Variants in RAD18 observed in about 807,000 individuals in gnomAD.
RAD18 encodes the protein RAD18 E3 ubiquitin protein ligase, also known as E3 ubiquitin-protein ligase RAD18.
A neutral mutation model predicts 60.4 loss-of-function variants in RAD18; 47 were observed. The observed-to-expected ratio is 0.78, with a 90% CI of 0.62 to 0.99. The LOEUF (loss-of-function observed/expected upper bound fraction) is 0.99. Among genes scored for constraint, RAD18 ranks in the 50% least tolerant of loss-of-function variants. The pLI, the probability that RAD18 is intolerant of heterozygous loss-of-function variation, is 0.00. For synonymous variants in RAD18, 225 were observed against 195.5 expected (o/e 1.15, Z -1.26); for missense variants, 640 against 593.3 (o/e 1.08, Z -0.82).
intron 4 of RAD18, among the ~76,000 whole-genome samples, chr3:8,942,786 G>T (rs1314717749): frequency 6.6e-6 from 1 of 152,202 alleles, no homozygotes; most frequent in Non-Finnish European, 1.5e-5. Flanking sequence ...CCACCAGTCT[G>T]CTTAGAAATT....
At chr3:8,961,078 T>C (rs1335676704) in intron 1 of RAD18, among the ~76,000 whole-genome samples, 2 of 152,178 alleles carry the variant, frequency 1.3e-5, no homozygotes, top group Non-Finnish European at 2.9e-5. Context: ...AACCAGTCTA[T>C]TATATCACAC....
intron 1 of RAD18, 120 bp downstream of exon 1, chr3:8,963,215 C>T (rs1941118326): frequency 8.6e-7 from 1 of 1,158,814 alleles, no homozygotes; most frequent in African/African-American, 1.6e-5. Flanking sequence ...AGCCGGATAC[C>T]CGGGCCCAGT....
intron 7 of RAD18, among the ~76,000 whole-genome samples, chr3:8,915,087 T>C (rs1242490390): frequency 7.0e-6 from 1 of 143,600 alleles, no homozygotes; most frequent in Non-Finnish European, 1.5e-5. Flanking sequence ...AGGCGGAGCT[T>C]GCAGTGAACT....
In RAD18 at chr3:8,963,320, C is replaced by A; in HGVS notation, c.51+15G>T. On this transcript the variant is annotated intron_variant, in intron 1 of 12. Transcript: ENST00000264926. ...GCAGACACCCGGGAGCTCCCAAACTCCCCGAAGCACTCACCTTCATGACTG... is the reference window on the plus strand; with the variant it reads ...GCAGACACCCGGGAGCTCCCAAACTACCCGAAGCACTCACCTTCATGACTG... 4 of 1,607,934 alleles carry A rather than the reference C, an allele frequency of 2.5e-6. No homozygotes were observed. Among genetic ancestry groups the A allele is most frequent in the Non-Finnish European group, 1.7e-6 (2 of 1,177,150 alleles).
In RAD18 at chr3:8,889,180, A is replaced by G. The variant is rs541499710; in HGVS notation, c.1385+1209T>C. On this transcript the variant is annotated intron_variant, in intron 12 of 12. Coordinates refer to ENST00000264926, the MANE Select transcript of RAD18 (RefSeq NM_020165.4). ...TGAAACTACAAAATGTCAACTGCAC[A>G]GCAAGCCTCTCCACCTTTGGAAAGA... Among the ~76,000 whole-genome samples the G allele has an allele frequency of 4.2e-3, 638 of 152,332 alleles. 4 individuals carry two copies. The highest frequency in any genetic ancestry group is 0.015 in the South Asian group (74 of 4,828).
At chr3:8,947,769 C>A (rs1026403203) in intron 3 of RAD18, among the ~76,000 whole-genome samples, 64 of 152,214 alleles carry the variant, frequency 4.2e-4, no homozygotes, top group African/African-American at 1.5e-3. Flanking sequence ...CACAGTTTAT[C>A]TCAGCGATGA....
At chr3:8,957,434 G>A (rs1203984459) in intron 2 of RAD18, among the ~76,000 whole-genome samples, 1 of 152,182 alleles carries the variant, frequency 6.6e-6, no homozygotes, top group African/African-American at 2.4e-5. Flanking sequence ...CAAAGCCACA[G>A]TAATCAAGAT....
At chr3:8,903,128 G>A (rs1939943112) in intron 9 of RAD18, among the ~76,000 whole-genome samples, 1 of 152,026 alleles carries the variant, frequency 6.6e-6, no homozygotes, top group African/African-American at 2.4e-5. Flanking sequence ...CCAAGCATAA[G>A]AATACAAAGG....
At chr3:8,929,729 C>T (rs541528322) in intron 7 of RAD18, among the ~76,000 whole-genome samples, 1 of 152,180 alleles carries the variant, frequency 6.6e-6, no homozygotes, top group East Asian at 1.9e-4. Flanking sequence ...GCAACCTCCG[C>T]CTCCTGGGTT....
rs187296172 is a variant in RAD18, at chr3:8,902,189, C to T, written c.1168+191G>A. On this transcript the variant is annotated intron_variant, in intron 10 of 12. Transcript: ENST00000264926. ...ACAAAAAGAGATTGTTTCTTCAGGA[C>T]ATTCTTCCAACCACTTTCCCCATAG... 1.1e-3 allele frequency among the ~76,000 whole-genome samples: 168 copies of T among 152,340 alleles called. 3 individuals carry two copies. Among genetic ancestry groups the T allele is most frequent in the African/African-American group, 3.9e-3 (162 of 41,584 alleles).
Position 8,915,630 on chromosome 3 carries a change from A to C in RAD18, c.890-1910T>G, listed in dbSNP as rs1464088420. Reference sequence around the variant, plus strand: ...ACTGAGTCTCGCTCTGTCACCCAGGACGGAGTGCAGTGGCGCGATCTCGGC... The same window carrying C: ...ACTGAGTCTCGCTCTGTCACCCAGGCCGGAGTGCAGTGGCGCGATCTCGGC... On this transcript the variant is annotated intron_variant, in intron 7 of 12. Coordinates refer to ENST00000264926, the MANE Select transcript of RAD18 (RefSeq NM_020165.4). Among the ~76,000 whole-genome samples the C allele has an allele frequency of 1.8e-4, 26 of 147,348 alleles. No individual in the cohort carries two copies. The Admixed American group carries it at 1.8e-3, about 10-fold the overall frequency.
intron 9 of RAD18, 109 bp from the exon 10 acceptor site, chr3:8,902,629 C>T (rs546227046): frequency 4.5e-6 from 5 of 1,123,306 alleles, no homozygotes; most frequent in Admixed American, 2.9e-5. Flanking sequence ...TGGTGGCTTA[C>T]GCCTGTAATC....
intron 4 of RAD18, chr3:8,946,830 G>C (rs1940847159): frequency 5.9e-6 from 1 of 168,394 alleles, no homozygotes; most frequent in African/African-American, 2.4e-5. Flanking sequence ...GGGCCTAGAA[G>C]CAATGACACC....
intron 4 of RAD18, among the ~76,000 whole-genome samples, chr3:8,946,347 G>A (rs1002630172): frequency 6.6e-6 from 1 of 152,186 alleles, no homozygotes; most frequent in Admixed American, 6.5e-5. Context: ...ATACCATGTT[G>A]GTTTGTGTAA....
chr3:8,891,440 C>A (rs930416398), intron 11 of RAD18, among the ~76,000 whole-genome samples: 2 of 152,130 alleles, frequency 1.3e-5, no homozygotes, highest in African/African-American at 4.8e-5. Context: ...TACCTAGGGG[C>A]TTTCAAATCA....
intron 8 of RAD18, among the ~76,000 whole-genome samples, chr3:8,912,701 G>A (rs11707481): frequency 0.24 from 18,250 of 76,432 alleles, 1,239 homozygotes; most frequent in South Asian, 0.36. Context: ...GAAGACTAAC[G>A]ACACTTAGCT....
chr3:8,899,035 T>C lies in RAD18; in HGVS notation c.1181A>G (p.Asn394Ser), dbSNP rs997669941. Residue 394 changes from asparagine (N) to serine (S), a missense_variant, in exon 11 of 13, where the codon AAT (asparagine) becomes AGT (serine). Transcript: ENST00000264926. The stretch of plus-strand genomic sequence containing the variant: ...AAAGTGGTTTGTTACTGAGGTCATA[T>C]TATCTTCCTGTCCTAGGAAAAAATA... ...LSSVCMGQED[N>S]MTSVTNHFSQ... 2 of 1,595,026 alleles carry C rather than the reference T, an allele frequency of 1.3e-6. No homozygotes were observed. Among genetic ancestry groups the C allele is most frequent in the East Asian group, 4.5e-5 (2 of 44,598 alleles).
chr3:8,961,780 ACT>A (rs1233833185), intron 1 of RAD18, among the ~76,000 whole-genome samples: 2 of 152,196 alleles, frequency 1.3e-5, no homozygotes, highest in Admixed American at 6.5e-5. Context: ...GTGGTGCCAA[ACT>A]CTACATTCAG....
chr3:8,960,388 T>G (rs1405280183), intron 1 of RAD18, among the ~76,000 whole-genome samples: 1 of 152,196 alleles, frequency 6.6e-6, no homozygotes. Context: ...TCATAAATAA[T>G]GATCAGGGCC....
Sources: allele counts gnomAD v4.1 joint callset (sites outside exome capture counted in the v4.1 genomes callset), GRCh38; gene constraint gnomAD v4.1.1; transcripts MANE v1.5; gene names NCBI Gene and HGNC (gene_info 2026-07-23, HGNC 2026-07-21).